SLC30A8: variants seen among roughly 807,000 people sequenced by gnomAD.
SLC30A8 encodes proton-coupled zinc antiporter SLC30A8.
SLC30A8 carries 27 observed loss-of-function variants against 36.9 expected under a neutral mutation model. The ratio of observed to expected loss-of-function variants is 0.73; its 90% CI spans 0.54 to 1.01. The LOEUF (loss-of-function observed/expected upper bound fraction) is 1.01. Ranked by LOEUF, SLC30A8 falls within the 50% of genes least tolerant of loss-of-function variation. The probability of loss-of-function intolerance (pLI) is 0.00; values close to 1 mark genes in which losing one functional copy is unlikely to be tolerated. For synonymous variants in SLC30A8, 164 were observed against 172.4 expected (o/e 0.95, Z 0.38); for missense variants, 439 against 452.0 (o/e 0.97, Z 0.26).
chr8:117,049,882 T>C (rs1817657130), intron 2 of SLC30A8, among the ~76,000 whole-genome samples: 1 of 152,208 alleles, frequency 6.6e-6, no homozygotes, highest in Admixed American at 6.5e-5. Flanking sequence ...ACAAGCTGCC[T>C]CTCTCACTCT....
intron 1 of SLC30A8, among the ~76,000 whole-genome samples, chr8:117,036,805 A>G (rs1817229323): frequency 6.6e-6 from 1 of 152,164 alleles, no homozygotes; most frequent in African/African-American, 2.4e-5. Flanking sequence ...ACAGAGCCAA[A>G]CCATATCACT....
intron 1 of SLC30A8, among the ~76,000 whole-genome samples, chr8:117,140,165 T>G (rs748474658): frequency 6.6e-6 from 1 of 151,976 alleles, no homozygotes; most frequent in Non-Finnish European, 1.5e-5. Context: ...AAAGAATCAC[T>G]GAACTTGAAG....
At chr8:117,146,822 G>A in intron 1 of SLC30A8, 132 bp from the exon 2 acceptor site, 2 of 1,449,152 alleles carry the variant, frequency 1.4e-6, no homozygotes, top group Non-Finnish European at 1.8e-6. Context: ...CTTGTAGAAG[G>A]AGCTGCAAAT....
chr8:117,089,361 T>C (rs1300845944), intron 2 of SLC30A8, among the ~76,000 whole-genome samples: 1 of 152,192 alleles, frequency 6.6e-6, no homozygotes, highest in African/African-American at 2.4e-5. Context: ...CAGCTGAATT[T>C]TGCATCTCCC....
At chr8:117,161,014 A>C (rs1822764645) in intron 4 of SLC30A8, among the ~76,000 whole-genome samples, 1 of 152,004 alleles carries the variant, frequency 6.6e-6, no homozygotes, top group Non-Finnish European at 1.5e-5. Context: ...AAAGTTATAG[A>C]TAAACAGAAT....
chr8:117,034,111 A>G (rs1817137945), intron 1 of SLC30A8, among the ~76,000 whole-genome samples: 1 of 152,222 alleles, frequency 6.6e-6, no homozygotes, highest in Non-Finnish European at 1.5e-5. Flanking sequence ...AGAATAAACA[A>G]TGAGTGAGGT....
At chr8:117,065,233 A>G (rs1006806682) in intron 2 of SLC30A8, among the ~76,000 whole-genome samples, 3 of 152,166 alleles carry the variant, frequency 2.0e-5, no homozygotes, top group African/African-American at 7.2e-5. Flanking sequence ...AAGCCTTATA[A>G]ATATATGAGT....
intron 1 of SLC30A8, among the ~76,000 whole-genome samples, chr8:116,958,255 C>A (rs187110538): frequency 2.0e-5 from 3 of 152,034 alleles, no homozygotes; most frequent in Admixed American, 2.0e-4. Flanking sequence ...GTGGTTATGG[C>A]GTTTTCTAGT....
chr8:117,129,256 C>A (rs1256339724), intron 2 of SLC30A8, among the ~76,000 whole-genome samples: 1 of 152,008 alleles, frequency 6.6e-6, no homozygotes, highest in Non-Finnish European at 1.5e-5. Flanking sequence ...AACTTTAGGA[C>A]TAGTCAGTGT....
intron 1 of SLC30A8, among the ~76,000 whole-genome samples, chr8:117,024,588 G>A (rs1295043183): frequency 6.6e-6 from 1 of 152,146 alleles, no homozygotes; most frequent in Non-Finnish European, 1.5e-5. Context: ...GCAGGTCCAT[G>A]GGCATATGGT....
At chr8:117,059,915 A>C (rs1817979791) in intron 2 of SLC30A8, among the ~76,000 whole-genome samples, 1 of 152,086 alleles carries the variant, frequency 6.6e-6, no homozygotes. Context: ...CTAAGGGAAA[A>C]GTAATGAGGT....
intron 1 of SLC30A8, among the ~76,000 whole-genome samples, chr8:116,972,673 G>A (rs940539227): frequency 8.5e-5 from 13 of 152,158 alleles, no homozygotes; most frequent in African/African-American, 2.9e-4. Context: ...TTTACAATTT[G>A]AGAGTAATCA....
At chr8:117,092,929 CATAGTATAG>C (rs1819193254) in intron 2 of SLC30A8, among the ~76,000 whole-genome samples, 2 of 152,184 alleles carry the variant, frequency 1.3e-5, no homozygotes, top group African/African-American at 4.8e-5. Context: ...CTTCTCTGCT[CATAGTATAG>C]CTTGTATTCC....
Position 117,171,060 on chromosome 8 carries a change from G to A in SLC30A8, c.856G>A (p.Gly286Ser), listed in dbSNP as rs548323063. The change falls in exon 7 of 8, where the codon GGT (glycine) becomes AGT (serine). Residue 286 changes from glycine (G) to serine (S), a missense_variant. By Grantham distance (56) the Gly-to-Ser change is moderately conservative. Transcript: ENST00000456015. ...TGTGCCAAAGAGCCTGAATTACAGT[G>A]GTGTGAAAGAGCTTATTTTAGCAGT... ...EGVPKSLNYS[G>S]VKELILAVDG... 8.8e-5 allele frequency: 141 copies of A among 1,609,048 alleles called. No individual in the cohort carries two copies. In the South Asian group the frequency reaches 1.5e-3, roughly 17 times the overall value.
At chr8:117,023,696 G>A (rs1415995167) in intron 1 of SLC30A8, among the ~76,000 whole-genome samples, 1 of 136,126 alleles carries the variant, frequency 7.3e-6, no homozygotes, top group East Asian at 2.5e-4. Context: ...ACAGGAAGGG[G>A]AACATCACAC....
At chr8:116,950,472 A>G (rs1813957678), upstream of SLC30A8, 1 of 152,198 alleles carries the variant, frequency 6.6e-6, no homozygotes, top group Non-Finnish European at 1.5e-5. Flanking sequence ...TACCTATCTG[A>G]TTCTGTCAGA....
At chr8:117,027,235 C>A (rs565590420) in intron 1 of SLC30A8, among the ~76,000 whole-genome samples, 8 of 152,264 alleles carry the variant, frequency 5.3e-5, no homozygotes, top group African/African-American at 1.9e-4. Context: ...TCATCTTGGC[C>A]TCAAGGCTGC....
At chr8:117,061,656 C>T (rs546738491) in intron 2 of SLC30A8, among the ~76,000 whole-genome samples, 1 of 152,270 alleles carries the variant, frequency 6.6e-6, no homozygotes, top group African/African-American at 2.4e-5. Flanking sequence ...TCCTTTATTA[C>T]TTATAAGCCA....
At chr8:117,044,939 T>C (rs945487203) in intron 2 of SLC30A8, among the ~76,000 whole-genome samples, 4 of 152,186 alleles carry the variant, frequency 2.6e-5, no homozygotes, top group Admixed American at 6.5e-5. Flanking sequence ...TTCCGAGCTG[T>C]TGTGCTTCTC....
Sources: allele counts gnomAD v4.1 joint callset (sites outside exome capture counted in the v4.1 genomes callset), GRCh38; gene constraint gnomAD v4.1.1; transcripts MANE v1.5; gene names NCBI Gene and HGNC (gene_info 2026-07-23, HGNC 2026-07-21).